PTPRT: variants seen among roughly 807,000 people sequenced by gnomAD.
PTPRT encodes protein tyrosine phosphatase receptor type T, also known as receptor-type tyrosine-protein phosphatase T.
Under a neutral mutation model 176.8 loss-of-function variants are expected in PTPRT, and 56 were observed. The observed-to-expected ratio is 0.32, with a 90% CI of 0.26 to 0.40. The LOEUF (loss-of-function observed/expected upper bound fraction) is 0.40. Ranked by LOEUF, PTPRT falls within the 10% of genes least tolerant of loss-of-function variation. The pLI is 1.00. For missense variants in PTPRT, 1,540 were observed against 1,908.2 expected, an observed-to-expected ratio of 0.81 and a Z score of 3.60; for synonymous variants, 783 against 739.0, an observed-to-expected ratio of 1.06 and a Z score of -0.96.
At chr20:42,900,182 C>T (rs888031356) in intron 1 of PTPRT, among the ~76,000 whole-genome samples, 3 of 152,194 alleles carry the variant, frequency 2.0e-5, no homozygotes, top group Non-Finnish European at 4.4e-5. Context: ...CACAGACTAG[C>T]AGGTGGTAGA....
chr20:42,339,741 T>C (rs2058086742), intron 11 of PTPRT, among the ~76,000 whole-genome samples: 1 of 152,222 alleles, frequency 6.6e-6, no homozygotes, highest in Non-Finnish European at 1.5e-5. Context: ...CAGCTGATTA[T>C]GATGTTCATT....
At chr20:42,157,216 T>C (rs1471968165) in intron 17 of PTPRT, among the ~76,000 whole-genome samples, 2 of 152,180 alleles carry the variant, frequency 1.3e-5, no homozygotes, top group Non-Finnish European at 2.9e-5. Context: ...TTAAGGACTA[T>C]CCTTTTATCC....
At chr20:42,530,207 C>A (rs1269936208) in intron 7 of PTPRT, among the ~76,000 whole-genome samples, 1 of 152,234 alleles carries the variant, frequency 6.6e-6, no homozygotes, top group East Asian at 1.9e-4. Context: ...TTCACTGTAG[C>A]AAGCCCTGAG....
chr20:42,310,424 AG>A (rs2057609606), intron 12 of PTPRT, among the ~76,000 whole-genome samples: 3 of 152,194 alleles, frequency 2.0e-5, no homozygotes, highest in Admixed American at 2.0e-4. Flanking sequence ...AGGCTAACAA[AG>A]GAAAGAACGT....
chr20:42,854,093 T>C (rs1435956153), intron 2 of PTPRT, among the ~76,000 whole-genome samples: 1 of 152,160 alleles, frequency 6.6e-6, no homozygotes, highest in Non-Finnish European at 1.5e-5. Context: ...TCACAATACC[T>C]CGTCACAACA....
rs929408287 is a variant in PTPRT, at chr20:42,634,761, A to T, written c.1153+43105T>A. ...GATGAAAAAGATGAGTTTGCTTCAAAATGTATATATGACCAGACTGTAAAT... is the reference window on the plus strand; with the variant it reads ...GATGAAAAAGATGAGTTTGCTTCAATATGTATATATGACCAGACTGTAAAT... On this transcript the variant is annotated intron_variant, in intron 7 of 30. Coordinates refer to ENST00000373187, the MANE Select transcript of PTPRT (RefSeq NM_007050.6). Among the ~76,000 whole-genome samples the T allele has an allele frequency of 2.0e-5, 3 of 152,262 alleles. No individual in the cohort carries two copies. In the East Asian group the frequency reaches 5.8e-4, roughly 29 times the overall value.
At chr20:42,179,177 T>C (rs555204296) in intron 16 of PTPRT, among the ~76,000 whole-genome samples, 49 of 152,294 alleles carry the variant, frequency 3.2e-4, no homozygotes, top group Middle Eastern at 3.4e-3. Context: ...TGAAAGAACA[T>C]TTAAATATAC....
intron 9 of PTPRT, among the ~76,000 whole-genome samples, chr20:42,422,815 C>T (rs2059130726): frequency 6.6e-6 from 1 of 152,102 alleles, no homozygotes; most frequent in Non-Finnish European, 1.5e-5. Context: ...CAATGATAGG[C>T]TGGATAAAGA....
intron 15 of PTPRT, among the ~76,000 whole-genome samples, chr20:42,208,816 T>C (rs6030054): frequency 2.8e-4 from 42 of 152,202 alleles, no homozygotes; most frequent in African/African-American, 8.2e-4. Context: ...TACAGAACTC[T>C]CCACCCCAAA....
intron 1 of PTPRT, among the ~76,000 whole-genome samples, chr20:43,164,053 C>T (rs535687396): frequency 6.6e-6 from 1 of 152,128 alleles, no homozygotes; most frequent in African/African-American, 2.4e-5. Flanking sequence ...GAGTGTCATG[C>T]AATGTACTGA....
chr20:42,400,900 G>C (rs181961249), intron 9 of PTPRT, among the ~76,000 whole-genome samples: 1 of 152,134 alleles, frequency 6.6e-6, no homozygotes, highest in Admixed American at 6.6e-5. Flanking sequence ...AGGGATAAGG[G>C]ATCGGGTTTT....
At chr20:42,795,757 A>G (rs2077445480) in intron 2 of PTPRT, among the ~76,000 whole-genome samples, 1 of 152,212 alleles carries the variant, frequency 6.6e-6, no homozygotes, top group Admixed American at 6.5e-5. Context: ...AGCTTCTGGC[A>G]TTTCTTAGTT....
At chr20:42,336,889 A>G (rs1379819244) in intron 11 of PTPRT, among the ~76,000 whole-genome samples, 1 of 152,192 alleles carries the variant, frequency 6.6e-6, no homozygotes, top group Non-Finnish European at 1.5e-5. Flanking sequence ...TAGGAAATAG[A>G]AACCTGAGAG....
At chr20:42,808,122 G>A (rs150241555) in intron 2 of PTPRT, among the ~76,000 whole-genome samples, 19 of 152,304 alleles carry the variant, frequency 1.2e-4, no homozygotes, top group East Asian at 3.9e-4. Context: ...AGACTCGGAC[G>A]GGCCATTTTA....
At chr20:42,312,669 G>T (rs889358095) in intron 12 of PTPRT, among the ~76,000 whole-genome samples, 2 of 152,136 alleles carry the variant, frequency 1.3e-5, no homozygotes, top group Admixed American at 1.3e-4. Context: ...TTTCGTTACT[G>T]GGAATCTTAG....
chr20:42,163,507 T>G (rs1460263043), intron 16 of PTPRT, among the ~76,000 whole-genome samples: 1 of 152,196 alleles, frequency 6.6e-6, no homozygotes, highest in Non-Finnish European at 1.5e-5. Context: ...GGGTGTTCCC[T>G]TTCTCCATCA....
At chr20:42,912,007 TA>T in intron 1 of PTPRT, among the ~76,000 whole-genome samples, 1 of 151,528 alleles carries the variant, frequency 6.6e-6, no homozygotes, top group East Asian at 1.9e-4. Flanking sequence ...TTTCAAATTT[TA>T]CTACTTATAA....
intron 24 of PTPRT, 85 bp downstream of exon 24, chr20:42,106,697 CCCTA>C: frequency 6.7e-7 from 1 of 1,501,864 alleles, no homozygotes; most frequent in Non-Finnish European, 9.1e-7. Context: ...CATAGGATGC[CCCTA>C]CCTATGTGTC....
intron 1 of PTPRT, among the ~76,000 whole-genome samples, chr20:42,914,516 C>G (rs1978605386): frequency 6.6e-6 from 1 of 152,180 alleles, no homozygotes; most frequent in Non-Finnish European, 1.5e-5. Flanking sequence ...AAACGAATGA[C>G]CTATTGACGC....
Sources: allele counts gnomAD v4.1 joint callset (sites outside exome capture counted in the v4.1 genomes callset), GRCh38; gene constraint gnomAD v4.1.1; transcripts MANE v1.5; gene names NCBI Gene and HGNC (gene_info 2026-07-23, HGNC 2026-07-21).